DAB1: variants seen among roughly 807,000 people sequenced by gnomAD.
The protein encoded by DAB1 is disabled homolog 1.
DAB1 carries 15 observed loss-of-function variants against 64.6 expected under a neutral mutation model. The observed-to-expected ratio is 0.23, with a 90% CI of 0.16 to 0.36. The LOEUF is 0.36. Ranked by LOEUF, DAB1 falls within the 10% of genes least tolerant of loss-of-function variation. The pLI is 1.00. For missense variants in DAB1, 596 were observed against 706.7 expected (o/e 0.84, Z 1.78); for synonymous variants, 235 against 251.9 (o/e 0.93, Z 0.64).
intron 2 of DAB1, among the ~76,000 whole-genome samples, chr1:57,282,042 G>A (rs1437603264): frequency 6.6e-6 from 1 of 151,766 alleles, no homozygotes; most frequent in East Asian, 1.9e-4. Context: ...AATTAGCTGG[G>A]TGCAGTGACA....
At chr1:57,599,453 T>C (rs954265567) in intron 7 of DAB1, among the ~76,000 whole-genome samples, 5 of 151,888 alleles carry the variant, frequency 3.3e-5, no homozygotes, top group Admixed American at 2.6e-4. Context: ...ATAGCCGTTA[T>C]AATGCAGGGT....
chr1:57,248,859 T>C (rs1669103557), intron 2 of DAB1, among the ~76,000 whole-genome samples: 1 of 152,208 alleles, frequency 6.6e-6, no homozygotes, highest in South Asian at 2.1e-4. Flanking sequence ...AATCTTTTGC[T>C]AGCATTTTTC....
chr1:57,474,284 T>G (rs1643905787), intron 7 of DAB1, among the ~76,000 whole-genome samples: 1 of 152,212 alleles, frequency 6.6e-6, no homozygotes, highest in Admixed American at 6.5e-5. Context: ...ACAATTCAGA[T>G]GTTATGACTC....
At chr1:58,095,580 T>C (rs1650929353) in intron 5 of DAB1, among the ~76,000 whole-genome samples, 2 of 152,162 alleles carry the variant, frequency 1.3e-5, no homozygotes. Context: ...CATCGGTCTG[T>C]TCTTTCCCTA....
At chr1:57,722,517 A>G (rs1458559376) in intron 6 of DAB1, among the ~76,000 whole-genome samples, 1 of 152,194 alleles carries the variant, frequency 6.6e-6, no homozygotes, top group Non-Finnish European at 1.5e-5. Context: ...TCAACACGGT[A>G]TTCCCAGCAG....
chr1:57,721,431 T>C (rs1333996840), intron 6 of DAB1, among the ~76,000 whole-genome samples: 5 of 152,236 alleles, frequency 3.3e-5, no homozygotes, highest in Non-Finnish European at 7.3e-5. Context: ...ACACTTAGTA[T>C]GCACCAAGTA....
At chr1:57,606,859 G>A (rs1044138367) in intron 7 of DAB1, among the ~76,000 whole-genome samples, 2 of 147,722 alleles carry the variant, frequency 1.4e-5, no homozygotes, top group East Asian at 3.9e-4. Flanking sequence ...GTACGATCTC[G>A]GCTCACTGCA....
At chr1:57,474,167 T>A (rs1490248189) in intron 7 of DAB1, among the ~76,000 whole-genome samples, 2 of 152,194 alleles carry the variant, frequency 1.3e-5, no homozygotes, top group African/African-American at 4.8e-5. Context: ...TCTGAAGAAT[T>A]CAAATAGCTG....
rs150702296 is a variant in DAB1, at chr1:57,665,222, T to C, written n.552-15557A>G. Among the ~76,000 whole-genome samples the C allele has an allele frequency of 7.2e-3, 1,088 of 152,134 alleles. 9 individuals are homozygous for C. Among genetic ancestry groups the C allele is most frequent in the Non-Finnish European group, 9.9e-3 (674 of 67,926 alleles). ...GATATAAATAAAACACTTAATACAA[T>C]GAATAAACAAGCCTGTGGAAGTAGT... On this transcript the variant is annotated intron_variant and non_coding_transcript_variant, in intron 6 of 20. Coordinates refer to the DAB1 transcript ENST00000485760.
chr1:57,040,010 C>T (rs1647531468), intron 9 of DAB1, among the ~76,000 whole-genome samples: 1 of 152,128 alleles, frequency 6.6e-6, no homozygotes. Context: ...TAAACAAAGT[C>T]TTCTACCACA....
chr1:58,406,377 C>A lies in DAB1; in HGVS notation n.258-62974G>T, dbSNP rs568077618. Reference sequence around the variant, plus strand: ...CCACCTGTAATTGGCACAGCCCTGTCGCATCTCCCTCAATTTGTAACAGGG... The same window carrying A: ...CCACCTGTAATTGGCACAGCCCTGTAGCATCTCCCTCAATTTGTAACAGGG... On this transcript the variant is annotated intron_variant and non_coding_transcript_variant, in intron 3 of 20. Transcript: ENST00000485760. 9.3e-4 allele frequency among the ~76,000 whole-genome samples: 142 copies of A among 152,336 alleles called. 1 individual carries two copies. Among genetic ancestry groups the A allele is most frequent in the African/African-American group, 3.3e-3 (138 of 41,586 alleles).
intron 11 of DAB1, among the ~76,000 whole-genome samples, chr1:57,015,739 A>G (rs893033837): frequency 6.6e-6 from 1 of 152,200 alleles, no homozygotes; most frequent in Admixed American, 6.5e-5. Flanking sequence ...TGTGTGTCTC[A>G]GGGACAGGGC....
intron 2 of DAB1, among the ~76,000 whole-genome samples, chr1:57,178,862 T>TA (rs11403221): frequency 0.32 from 47,745 of 151,062 alleles, 9,177 homozygotes; most frequent in Non-Finnish European, 0.42. Context: ...TTAGGTGCTT[T>TA]AAAAAAAAAG....
chr1:57,809,731 A>G (rs960475271), intron 6 of DAB1, among the ~76,000 whole-genome samples: 4 of 152,294 alleles, frequency 2.6e-5, no homozygotes, highest in Admixed American at 1.3e-4. Flanking sequence ...GAGTTGAAAA[A>G]TGGAAAACAA....
chr1:57,291,605 C>T lies in DAB1; in HGVS notation c.-136-439G>A, dbSNP rs1672780676. ...TATGGAAGTAACCTGTGGTCTGTCC[C>T]TCACTGGCAGGCATCAGAGGGGGCA... On this transcript the variant is annotated intron_variant, in intron 1 of 14. Transcript: ENST00000371236. Among the ~76,000 whole-genome samples the T allele has an allele frequency of 2.0e-5, 3 of 152,148 alleles. No homozygotes were observed. The South Asian group carries it at 6.2e-4, about 31-fold the overall frequency.
chr1:58,430,501 C>G (rs1644860317), intron 3 of DAB1, among the ~76,000 whole-genome samples: 1 of 152,178 alleles, frequency 6.6e-6, no homozygotes, highest in Non-Finnish European at 1.5e-5. Flanking sequence ...TTTTTAGGAA[C>G]TCTGTGGCGC....
intron 3 of DAB1, among the ~76,000 whole-genome samples, chr1:57,144,693 C>T (rs567865930): frequency 1.0e-5 from 1 of 99,230 alleles, no homozygotes; most frequent in African/African-American, 3.8e-5. Context: ...GACTCCTTCT[C>T]AAAAAAAAAA....
At chr1:57,134,256 C>G (rs555002964) in intron 4 of DAB1, among the ~76,000 whole-genome samples, 1 of 152,116 alleles carries the variant, frequency 6.6e-6, no homozygotes, top group African/African-American at 2.4e-5. Context: ...TCACACAGAG[C>G]AAGTCAGCTC....
At chr1:57,439,624 T>TC (rs1685858764) in intron 7 of DAB1, among the ~76,000 whole-genome samples, 1 of 136,858 alleles carries the variant, frequency 7.3e-6, no homozygotes, top group African/African-American at 2.9e-5. Flanking sequence ...GAGACGGGGT[T>TC]CACCATGTTA....
Sources: gnomAD v4.1 joint callset for allele counts (sites outside exome capture counted in the v4.1 genomes callset) on GRCh38, gnomAD v4.1.1 for gene constraint, MANE v1.5 for transcripts, NCBI Gene and HGNC (gene_info 2026-07-23, HGNC 2026-07-21) for gene names.